The following ARMH3 variants were observed in gnomAD, a reference collection of about 807,000 sequenced individuals.
The protein encoded by ARMH3 is armadillo-like helical domain-containing protein 3.
A neutral mutation model predicts 99.1 loss-of-function variants in ARMH3; 60 were observed. That is an observed-to-expected ratio of 0.61 (90% CI 0.49 to 0.75). ARMH3 has a LOEUF of 0.75. Among genes scored for constraint, ARMH3 ranks in the 30% least tolerant of loss-of-function variants. The pLI is 0.00. For synonymous variants in ARMH3, 285 were observed against 292.8 expected, an observed-to-expected ratio of 0.97 and a Z score of 0.27; for missense variants, 679 against 843.1, an observed-to-expected ratio of 0.81 and a Z score of 2.41.
chr10:101,915,997 G>C (rs1188389834), intron 23 of ARMH3, among the ~76,000 whole-genome samples: 1 of 151,856 alleles, frequency 6.6e-6, no homozygotes, highest in Non-Finnish European at 1.5e-5. Context: ...GTAGAGACGG[G>C]GTTTCACCGT....
At chr10:101,863,395 T>C (rs1272177500) in intron 24 of ARMH3, among the ~76,000 whole-genome samples, 1 of 152,128 alleles carries the variant, frequency 6.6e-6, no homozygotes, top group Admixed American at 6.5e-5. Context: ...TTCAAAACTT[T>C]GAATGAAACA....
chr10:102,037,380 T>C (rs189798149), intron 2 of ARMH3, among the ~76,000 whole-genome samples: 1 of 151,986 alleles, frequency 6.6e-6, no homozygotes, highest in Non-Finnish European at 1.5e-5. Flanking sequence ...CATGGGGTTT[T>C]ACTACCTTGG....
In ARMH3 at chr10:101,914,185, C is replaced by T. The variant is rs140580335; in HGVS notation, c.1782-24695G>A. ...ATTGGGCTGAAGGGGCATAAAAACA[C>T]AGGATTAAGATATGATACCCGAGCT... On this transcript the variant is annotated intron_variant, in intron 23 of 25. Coordinates refer to ENST00000370033, the MANE Select transcript of ARMH3 (RefSeq NM_024541.3). 4.9e-3 allele frequency among the ~76,000 whole-genome samples: 751 copies of T among 152,170 alleles called. 4 individuals carry two copies. The highest frequency in any genetic ancestry group is 8.4e-3 in the Non-Finnish European group (572 of 67,964).
chr10:101,860,556 A>C (rs908029434), intron 24 of ARMH3, among the ~76,000 whole-genome samples: 3 of 152,214 alleles, frequency 2.0e-5, no homozygotes, highest in African/African-American at 7.2e-5. Context: ...AGACAGGCCG[A>C]GAAGGAGCTT....
intron 24 of ARMH3, among the ~76,000 whole-genome samples, chr10:101,856,455 C>T (rs1437511240): frequency 1.3e-5 from 2 of 152,058 alleles, no homozygotes; most frequent in African/African-American, 4.8e-5. Context: ...ATCCCTTCTA[C>T]AATGAATGCT....
At chr10:101,933,657 G>A (rs1843823268) in intron 23 of ARMH3, among the ~76,000 whole-genome samples, 1 of 152,026 alleles carries the variant, frequency 6.6e-6, no homozygotes, top group Admixed American at 6.6e-5. Context: ...TCTGCATAAT[G>A]CTTTTCATTT....
chr10:102,002,845 C>A (rs2066393949), intron 14 of ARMH3, among the ~76,000 whole-genome samples: 1 of 151,798 alleles, frequency 6.6e-6, no homozygotes, highest in African/African-American at 2.4e-5. Flanking sequence ...CCTATAATCC[C>A]ACCTACTAGG....
intron 22 of ARMH3, among the ~76,000 whole-genome samples, chr10:101,954,167 G>A (rs1242621229): frequency 6.6e-6 from 1 of 152,082 alleles, no homozygotes; most frequent in Non-Finnish European, 1.5e-5. Context: ...ACTCCACCAT[G>A]GGTGAAAGAG....
intron 8 of ARMH3, among the ~76,000 whole-genome samples, chr10:102,020,023 C>A (rs1158276029): frequency 2.0e-5 from 3 of 146,800 alleles, no homozygotes; most frequent in African/African-American, 7.6e-5. Context: ...GAGTTTGAGA[C>A]CAGCCTGGTC....
chr10:101,894,539 G>A (rs892033561), intron 23 of ARMH3, among the ~76,000 whole-genome samples: 10 of 152,166 alleles, frequency 6.6e-5, no homozygotes, highest in African/African-American at 1.9e-4. Context: ...TGGCCAAGGC[G>A]CTAGACTAGG....
chr10:101,965,636 G>A (rs1845498391), intron 20 of ARMH3, among the ~76,000 whole-genome samples: 1 of 152,184 alleles, frequency 6.6e-6, no homozygotes. Context: ...TCTGCACCAA[G>A]TGAAGAACTG....
intron 1 of ARMH3, among the ~76,000 whole-genome samples, chr10:102,044,829 G>A (rs1393381006): frequency 6.6e-6 from 1 of 151,994 alleles, no homozygotes; most frequent in East Asian, 1.9e-4. Flanking sequence ...GGGAAAGAAG[G>A]AAAATGAATA....
At chr10:101,913,489 CCAAG>C (rs1480016272) in intron 23 of ARMH3, among the ~76,000 whole-genome samples, 3 of 151,516 alleles carry the variant, frequency 2.0e-5, no homozygotes, top group African/African-American at 7.3e-5. Context: ...TCTCAGCATC[CCAAG>C]TAACTGGGAC....
chr10:101,976,982 C>T lies in ARMH3; in HGVS notation c.1407-1682G>A, dbSNP rs1564812648. ...GTTCTGTTTCTTTTTCTTTCTTTTC[C>T]TTTCTTTTCTTTTTTTTGCTGCAAA... On this transcript the variant is annotated intron_variant, in intron 19 of 25. Coordinates refer to ENST00000370033, the MANE Select transcript of ARMH3 (RefSeq NM_024541.3). 2.6e-5 allele frequency among the ~76,000 whole-genome samples: 4 copies of T among 152,108 alleles called. No individual in the cohort carries two copies. In the South Asian group the frequency reaches 6.2e-4, roughly 24 times the overall value.
intron 1 of ARMH3, among the ~76,000 whole-genome samples, chr10:102,044,101 T>C (rs181540269): frequency 8.1e-5 from 12 of 147,288 alleles, no homozygotes; most frequent in African/African-American, 3.0e-4. Flanking sequence ...CTTTTTTTTT[T>C]TTTTTTTTTG....
intron 23 of ARMH3, among the ~76,000 whole-genome samples, chr10:101,926,997 G>A (rs1207050620): frequency 3.3e-5 from 5 of 152,018 alleles, no homozygotes; most frequent in African/African-American, 7.2e-5. Flanking sequence ...ATTATAGAAT[G>A]AGTCCACTGG....
chr10:102,054,782 G>A (rs1349747808), intron 1 of ARMH3, among the ~76,000 whole-genome samples: 1 of 151,962 alleles, frequency 6.6e-6, no homozygotes, highest in East Asian at 1.9e-4. Context: ...AATCATCTGA[G>A]GTCAGAAGTT....
At chr10:101,951,265 A>G (rs1421708415) in intron 22 of ARMH3, among the ~76,000 whole-genome samples, 2 of 152,194 alleles carry the variant, frequency 1.3e-5, no homozygotes, top group Non-Finnish European at 2.9e-5. Context: ...AACTCCAGTA[A>G]GCTTTTGATT....
intron 13 of ARMH3, among the ~76,000 whole-genome samples, chr10:102,008,707 C>A (rs1277750328): frequency 6.6e-6 from 1 of 151,920 alleles, no homozygotes; most frequent in African/African-American, 2.4e-5. Context: ...CGTCCGCCAC[C>A]ACGCCCAGCT....
Sources: gnomAD v4.1 joint callset for allele counts (sites outside exome capture counted in the v4.1 genomes callset) on GRCh38, gnomAD v4.1.1 for gene constraint, MANE v1.5 for transcripts, NCBI Gene and HGNC (gene_info 2026-07-23, HGNC 2026-07-21) for gene names.